The following NCKAP5 variants were observed in gnomAD, a reference collection of about 807,000 sequenced individuals.
The protein encoded by NCKAP5 is nck-associated protein 5.
A neutral mutation model predicts 167.0 loss-of-function variants in NCKAP5; 92 were observed. The observed-to-expected ratio is 0.55, with a 90% CI of 0.47 to 0.66. The LOEUF is 0.66. Among genes scored for constraint, NCKAP5 ranks in the 30% least tolerant of loss-of-function variants. The pLI, the probability that NCKAP5 is intolerant of heterozygous loss-of-function variation, is 0.00. For missense variants in NCKAP5, 2,378 were observed against 2,315.0 expected, an observed-to-expected ratio of 1.03 and a Z score of -0.56; for synonymous variants, 891 against 877.4, an observed-to-expected ratio of 1.02 and a Z score of -0.27.
At chr2:133,227,436 T>C (rs2086945419) in intron 4 of NCKAP5, among the ~76,000 whole-genome samples, 1 of 152,186 alleles carries the variant, frequency 6.6e-6, no homozygotes, top group South Asian at 2.1e-4. Context: ...AACACATGTA[T>C]ATACTCTCTG....
chr2:132,699,048 A>G (rs1687616467), intron 19 of NCKAP5, among the ~76,000 whole-genome samples: 1 of 152,214 alleles, frequency 6.6e-6, no homozygotes, highest in South Asian at 2.1e-4. Flanking sequence ...CAGAAGCACA[A>G]GAAATAGCAG....
intron 3 of NCKAP5, among the ~76,000 whole-genome samples, chr2:133,446,607 C>T (rs779659212): frequency 2.1e-4 from 32 of 152,162 alleles, no homozygotes; most frequent in Admixed American, 3.3e-4. Context: ...TGTGTATGAG[C>T]ACCATGCTCT....
chr2:133,225,700 A>G (rs1163014091), intron 4 of NCKAP5, among the ~76,000 whole-genome samples: 2 of 150,602 alleles, frequency 1.3e-5, no homozygotes, highest in African/African-American at 4.9e-5. Context: ...TGCAGCCTCA[A>G]TCTCCTGGGC....
intron 3 of NCKAP5, among the ~76,000 whole-genome samples, chr2:133,406,008 C>T (rs1440268565): frequency 6.6e-6 from 1 of 152,178 alleles, no homozygotes; most frequent in African/African-American, 2.4e-5. Context: ...TGTATAATCC[C>T]CGAATTGAAG....
At chr2:133,513,372 G>A (rs751996572) in intron 3 of NCKAP5, among the ~76,000 whole-genome samples, 14 of 152,276 alleles carry the variant, frequency 9.2e-5, no homozygotes, top group Non-Finnish European at 1.8e-4. Flanking sequence ...CAAACACCTC[G>A]ACCTCTGATC....
chr2:132,993,459 A>G (rs943453443), intron 7 of NCKAP5, among the ~76,000 whole-genome samples: 4 of 152,154 alleles, frequency 2.6e-5, no homozygotes, highest in African/African-American at 7.2e-5. Flanking sequence ...CTATCAGAAG[A>G]AGACAAAGAC....
intron 19 of NCKAP5, among the ~76,000 whole-genome samples, chr2:132,709,349 A>G (rs1688645963): frequency 6.6e-6 from 1 of 152,154 alleles, no homozygotes; most frequent in Admixed American, 6.5e-5. Context: ...GATAAAAATA[A>G]CAAAAGTTAA....
At chr2:133,420,915 C>T (rs1383307009) in intron 3 of NCKAP5, among the ~76,000 whole-genome samples, 1 of 152,210 alleles carries the variant, frequency 6.6e-6, no homozygotes, top group Admixed American at 6.5e-5. Flanking sequence ...TTTTCTCCTT[C>T]TCTAAAGACA....
intron 19 of NCKAP5, among the ~76,000 whole-genome samples, chr2:132,694,103 T>TTTTATTTATTTATTTATTTA (rs140401537): frequency 1.6e-4 from 23 of 147,042 alleles, no homozygotes; most frequent in African/African-American, 4.2e-4. Context: ...GTTTTAAGTG[T>TTTTATTTATTTATTTATTTA]TTTATTTATT....
At chr2:133,245,119 GA>G (rs2087910528) in intron 4 of NCKAP5, among the ~76,000 whole-genome samples, 1 of 152,160 alleles carries the variant, frequency 6.6e-6, no homozygotes, top group South Asian at 2.1e-4. Flanking sequence ...GGAACTGATA[GA>G]ACACGTGTAT....
the NCKAP5 span, among the ~76,000 whole-genome samples, chr2:133,581,000 C>T: frequency 3.3e-5 from 5 of 152,156 alleles, no homozygotes; most frequent in Non-Finnish European, 5.9e-5. Flanking sequence ...CTTTCCCTTC[C>T]TCTTGCTCAT....
Position 133,103,461 on chromosome 2 carries a change from T to G in NCKAP5, c.341+26517A>C, listed in dbSNP as rs567074383. Among the ~76,000 whole-genome samples, 294 of 152,276 alleles carry G rather than the reference T, an allele frequency of 1.9e-3. 1 individual carries two copies. Among genetic ancestry groups the G allele is most frequent in the African/African-American group, 6.4e-3 (267 of 41,566 alleles). The stretch of plus-strand genomic sequence containing the variant: ...ATTAAAAGAGAGAAAGCATTTTGAG[T>G]GCACACTGGATGCTGGGCCCATAAC... On this transcript the variant is annotated intron_variant, in intron 6 of 19. Coordinates refer to ENST00000409261, the MANE Select transcript of NCKAP5 (RefSeq NM_207363.3).
chr2:132,929,150 G>A (rs1001041940), intron 8 of NCKAP5, among the ~76,000 whole-genome samples: 2 of 152,106 alleles, frequency 1.3e-5, no homozygotes, highest in African/African-American at 4.8e-5. Flanking sequence ...CCAGAAGCAA[G>A]CTCTCCCACA....
intron 3 of NCKAP5, among the ~76,000 whole-genome samples, chr2:133,398,420 CTT>C (rs1028360261): frequency 2.0e-5 from 3 of 152,084 alleles, no homozygotes; most frequent in Non-Finnish European, 4.4e-5. Flanking sequence ...TCTCTTAAAA[CTT>C]AAAGTAACAT....
At chr2:133,507,993 G>A (rs139689044) in intron 3 of NCKAP5, among the ~76,000 whole-genome samples, 2 of 152,266 alleles carry the variant, frequency 1.3e-5, no homozygotes, top group African/African-American at 2.4e-5. Flanking sequence ...AGCATACACC[G>A]ATCAATGAAT....
chr2:133,124,916 C>T (rs1170334709), intron 6 of NCKAP5, among the ~76,000 whole-genome samples: 3 of 152,080 alleles, frequency 2.0e-5, no homozygotes, highest in South Asian at 2.1e-4. Context: ...CGTGGTGACA[C>T]GCACCTATAG....
At chr2:133,351,381 CT>C (rs145384405) in intron 3 of NCKAP5, among the ~76,000 whole-genome samples, 16,021 of 152,114 alleles carry the variant, frequency 0.11, 1,010 homozygotes, top group Non-Finnish European at 0.15. Context: ...AGTAATATAA[CT>C]TCTTTGAGCC....
chr2:133,655,111 C>T, the NCKAP5 span, among the ~76,000 whole-genome samples: 1 of 152,150 alleles, frequency 6.6e-6, no homozygotes, highest in Non-Finnish European at 1.5e-5. Context: ...GACATCATGG[C>T]AATTTTATGA....
At chr2:133,340,530 T>C (rs558971298) in intron 3 of NCKAP5, among the ~76,000 whole-genome samples, 1 of 152,324 alleles carries the variant, frequency 6.6e-6, no homozygotes, top group African/African-American at 2.4e-5. Context: ...TTCTATTATT[T>C]TGACTTACAA....
Sources: allele counts gnomAD v4.1 joint callset (sites outside exome capture counted in the v4.1 genomes callset), GRCh38; gene constraint gnomAD v4.1.1; transcripts MANE v1.5; gene names NCBI Gene and HGNC (gene_info 2026-07-23, HGNC 2026-07-21).